IMPA2: variants seen among roughly 807,000 people sequenced by gnomAD.
IMPA2 encodes inositol monophosphatase 2.
A neutral mutation model predicts 35.1 loss-of-function variants in IMPA2; 32 were observed. The observed-to-expected ratio is 0.91, with a 90% confidence interval of 0.69 to 1.23. The LOEUF (loss-of-function observed/expected upper bound fraction) is 1.23, where lower values mean the gene tolerates loss of function less well. Among genes scored for constraint, IMPA2 ranks in the 50% most tolerant of loss-of-function variants. The probability of loss-of-function intolerance (pLI) is 0.00; values close to 1 mark genes in which losing one functional copy is unlikely to be tolerated. For missense variants in IMPA2, 334 were observed against 387.6 expected, an observed-to-expected ratio of 0.86 and a Z score of 1.16; for synonymous variants, 135 against 160.6, an observed-to-expected ratio of 0.84 and a Z score of 1.20.
chr18:12,012,072 A>G, intron 3 of IMPA2, 98 bp from the exon 4 acceptor site: 1 of 1,032,916 alleles, frequency 9.7e-7, no homozygotes, highest in Non-Finnish European at 1.5e-6. Context: ...AGAGTGTAGG[A>G]AGGTCCTTCT....
At chr18:11,985,010 G>A (rs1906623096) in intron 1 of IMPA2, among the ~76,000 whole-genome samples, 1 of 150,652 alleles carries the variant, frequency 6.6e-6, no homozygotes, top group South Asian at 2.1e-4. Context: ...CGAGCGTGGT[G>A]GCACACGCCT....
intron 5 of IMPA2, among the ~76,000 whole-genome samples, chr18:12,020,914 CT>C (rs1197343587): frequency 7.1e-6 from 1 of 141,698 alleles, no homozygotes; most frequent in Non-Finnish European, 1.5e-5. Context: ...GCTCCTCACT[CT>C]TTTTTTCTTA....
chr18:12,025,196 T>TG (rs1462259938), intron 5 of IMPA2, among the ~76,000 whole-genome samples: 2 of 152,244 alleles, frequency 1.3e-5, no homozygotes, highest in African/African-American at 4.8e-5. Context: ...ATCCGTATCT[T>TG]GTCATGCTTT....
rs964504714 is a variant in IMPA2, at chr18:12,028,124, A to C, written c.572A>C (p.Glu191Ala). Residue 191 changes from glutamate (E) to alanine (A), a missense_variant, in exon 6 of 8, where the codon GAG (glutamate) becomes GCG (alanine). By Grantham distance (107) the Glu-to-Ala change is moderately radical. Coordinates refer to ENST00000269159, the MANE Select transcript of IMPA2 (RefSeq NM_014214.3). The stretch of plus-strand genomic sequence containing the variant: ...CTGAAGCTGTTCCTGAGTAACATGG[A>C]GCGGCTGCTGCATGCCAAGGCGCAT... Reference protein sequence around the residue: ...ATLKLFLSNMERLLHAKAHGV... With the variant: ...ATLKLFLSNMARLLHAKAHGV... 1.2e-6 allele frequency: 2 copies of C among 1,613,726 alleles called. No homozygotes were observed. The highest frequency in any genetic ancestry group is 1.7e-6 in the Non-Finnish European group (2 of 1,179,730).
At chr18:11,992,262 G>A (rs531402069) in intron 1 of IMPA2, among the ~76,000 whole-genome samples, 7 of 152,376 alleles carry the variant, frequency 4.6e-5, no homozygotes, top group African/African-American at 9.6e-5. Context: ...AACATGGGGC[G>A]TGTCGTCAGG....
At chr18:11,995,416 G>C (rs1391700047) in intron 1 of IMPA2, among the ~76,000 whole-genome samples, 1 of 152,256 alleles carries the variant, frequency 6.6e-6, no homozygotes, top group Non-Finnish European at 1.5e-5. Flanking sequence ...TATCCGCGTG[G>C]TGTGCAGATT....
At chr18:12,008,990 G>T (rs1328339701) in intron 2 of IMPA2, among the ~76,000 whole-genome samples, 2 of 151,406 alleles carry the variant, frequency 1.3e-5, no homozygotes, top group African/African-American at 4.9e-5. Context: ...GAGGAGTGGA[G>T]CCTGCACAGG....
At chr18:12,007,030 T>C (rs1020207620) in intron 2 of IMPA2, among the ~76,000 whole-genome samples, 1 of 152,208 alleles carries the variant, frequency 6.6e-6, no homozygotes, top group Non-Finnish European at 1.5e-5. Context: ...CTCATGAGGC[T>C]GAGGCAGGAG....
rs1411071762 is a variant in IMPA2, at chr18:12,028,151, G to A, written c.599G>A (p.Gly200Glu). Residue 200 changes from glycine to glutamate, a missense_variant and splice_region_variant, in exon 6 of 8, where the codon GGG becomes GAG. Gly to Glu is a moderately conservative substitution (Grantham distance 98, BLOSUM62 -2). Transcript: ENST00000269159. ...CGGCTGCTGCATGCCAAGGCGCATGGGTAGGAGGTTCAGTTCGGGGAACAC... is the reference window on the plus strand; with the variant it reads ...CGGCTGCTGCATGCCAAGGCGCATGAGTAGGAGGTTCAGTTCGGGGAACAC... Reference protein sequence around the residue: ...MERLLHAKAHGVRVIGSSTLA... With the variant: ...MERLLHAKAHEVRVIGSSTLA... 6.2e-7 allele frequency: 1 copy of A among 1,601,658 alleles called. No homozygotes were observed.
chr18:12,006,425 A>G (rs1205881478), intron 2 of IMPA2, among the ~76,000 whole-genome samples: 2 of 152,222 alleles, frequency 1.3e-5, no homozygotes, highest in African/African-American at 2.4e-5. Context: ...TGCAGTGTAG[A>G]TGAAGAACCA....
At chr18:12,022,838 G>T (rs1907771292) in intron 5 of IMPA2, among the ~76,000 whole-genome samples, 1 of 149,232 alleles carries the variant, frequency 6.7e-6, no homozygotes, top group Admixed American at 6.7e-5. Flanking sequence ...GCAGTGGCAC[G>T]ATCTTGGCTC....
At chr18:12,029,827 C>G (rs962041994) in intron 7 of IMPA2, among the ~76,000 whole-genome samples, 3 of 152,222 alleles carry the variant, frequency 2.0e-5, no homozygotes, top group African/African-American at 7.2e-5. Flanking sequence ...AGAGCTGTTT[C>G]ATATCCCTCA....
chr18:12,016,330 TGGG>T (rs1907577061), intron 5 of IMPA2, among the ~76,000 whole-genome samples: 1 of 152,094 alleles, frequency 6.6e-6, no homozygotes, highest in Non-Finnish European at 1.5e-5. Context: ...TTCTTTCCTA[TGGG>T]TAGATGGACT....
intron 1 of IMPA2, among the ~76,000 whole-genome samples, chr18:11,993,542 A>G (rs548322741): frequency 1.9e-4 from 29 of 152,162 alleles, no homozygotes; most frequent in Non-Finnish European, 3.7e-4. Flanking sequence ...TAGTTCCTGG[A>G]GCTACTGGGA....
At position 11,998,942 on chromosome 18, in the gene IMPA2, C is replaced by CTT; in HGVS notation, c.97-112_97-111insTT. On this transcript the variant is annotated intron_variant, in intron 1 of 7. Transcript: ENST00000269159. ...CTGCCCCCGCCGCCCCCCCCCCCCC[C>CTT]CCCCACCCAATGGCAGGCTGAATAC... is the stretch of plus-strand genomic sequence containing the variant. The CTT allele has an allele frequency of 6.9e-5, 4 of 57,798 alleles. 1 individual carries two copies. Among genetic ancestry groups the CTT allele is most frequent in the Non-Finnish European group, 1.9e-4 (4 of 20,998 alleles). 3.6% of individuals were successfully genotyped at this position (57,798 alleles called of 1,614,324 possible). A position where few individuals can be genotyped will look rare whatever the true frequency, so the allele number is the denominator to read the frequency against.
chr18:12,014,176 C>T (rs1389872770), intron 4 of IMPA2, 89 bp from the exon 5 acceptor site: 12 of 887,900 alleles, frequency 1.4e-5, no homozygotes, highest in Non-Finnish European at 2.0e-5. Context: ...TAACGCCTAG[C>T]GCAGCCTTCA....
intron 1 of IMPA2, among the ~76,000 whole-genome samples, chr18:11,985,164 A>C (rs1361081873): frequency 6.6e-6 from 1 of 151,144 alleles, no homozygotes; most frequent in African/African-American, 2.4e-5. Flanking sequence ...AAAAAAAAAA[A>C]AAAAAGAGAA....
chr18:12,022,941 A>ATTTTTTTTTTTTTTTTTTT (rs35737614), intron 5 of IMPA2, among the ~76,000 whole-genome samples: 5 of 81,670 alleles, frequency 6.1e-5, no homozygotes, highest in Non-Finnish European at 6.9e-5. Context: ...CGCCTGCCTA[A>ATTTTTTTTTTTTTTTTTTT]TTTTTTTTTT....
chr18:12,022,527 G>GA (rs373259122), intron 5 of IMPA2, among the ~76,000 whole-genome samples: 756 of 8,974 alleles, frequency 0.084, 58 homozygotes, highest in Middle Eastern at 0.25. Context: ...ATCTCAAAAA[G>GA]AATATATATA....
Sources: allele counts gnomAD v4.1 joint callset (sites outside exome capture counted in the v4.1 genomes callset), GRCh38; gene constraint gnomAD v4.1.1; transcripts MANE v1.5; gene names NCBI Gene and HGNC (gene_info 2026-07-23, HGNC 2026-07-21).